The following GGT1 variants were observed in gnomAD, a reference collection of about 807,000 sequenced individuals.
GGT1 encodes the protein gamma-glutamyltransferase 1.
A neutral mutation model predicts 56.0 loss-of-function variants in GGT1; 21 were observed. The ratio of observed to expected loss-of-function variants is 0.38; its 90% CI spans 0.27 to 0.54. GGT1 has a LOEUF of 0.54. Among genes scored for constraint, GGT1 ranks in the 20% least tolerant of loss-of-function variants. The pLI, the probability that GGT1 is intolerant of heterozygous loss-of-function variation, is 0.82. For synonymous variants in GGT1, 238 were observed against 342.6 expected, an observed-to-expected ratio of 0.69 and a Z score of 3.37; for missense variants, 466 against 787.0, an observed-to-expected ratio of 0.59 and a Z score of 4.88.
At position 24,628,819 on chromosome 22, in the gene GGT1, G is replaced by A. The variant is rs1263721578; in HGVS notation, c.1690G>A (p.Gly564Arg). The A allele has an allele frequency of 3.7e-6, 6 of 1,604,818 alleles. No individual in the cohort carries two copies. Among genetic ancestry groups the A allele is most frequent in the South Asian group, 2.2e-5 (2 of 90,526 alleles). The change falls in exon 16 of 16, where the codon GGG (glycine) becomes AGG (arginine). Residue 564 changes from glycine (G) to arginine (R), a missense_variant. Transcript: ENST00000400382. This position sits in a 1 kb window ranked among gnomAD's most constrained non-coding sequence, Gnocchi z 5.7. ...WAAASDSRKG[G>R]EPAGY ...AGCTGCCTCGGACTCCAGGAAAGGCGGGGAGCCTGCCGGCTACTGAGTGCT... is the reference window on the plus strand; with the variant it reads ...AGCTGCCTCGGACTCCAGGAAAGGCAGGGAGCCTGCCGGCTACTGAGTGCT...
At chr22:24,616,758 G>A (rs917227706) in intron 7 of GGT1, among the ~76,000 whole-genome samples, 14 of 151,852 alleles carry the variant, frequency 9.2e-5, no homozygotes, top group African/African-American at 2.7e-4. Flanking sequence ...TGTTGCCCAG[G>A]CTGGTCTCGA....
chr22:24,621,821 C>A (rs370192967), intron 9 of GGT1, among the ~76,000 whole-genome samples: 3 of 151,372 alleles, frequency 2.0e-5, no homozygotes, highest in Non-Finnish European at 4.4e-5. Flanking sequence ...GAGGCCGAGG[C>A]GGGTGGATCA....
intron 2 of GGT1, chr22:24,609,323 G>A (rs1391205508): frequency 4.6e-5 from 7 of 152,428 alleles, no homozygotes; most frequent in African/African-American, 1.7e-4. Context: ...GGTGGTCACG[G>A]TGGGGATGAG....
rs766625820 is a variant in GGT1, at chr22:24,628,261, C to T, written c.1450-14C>T. On this transcript the variant is annotated splice_polypyrimidine_tract_variant and intron_variant, in intron 14 of 15. Coordinates refer to ENST00000400382, the MANE Select transcript of GGT1 (RefSeq NM_001288833.2). This position sits in a 1 kb window ranked among gnomAD's most constrained non-coding sequence, Gnocchi z 5.7. ...CAGCCCCCAAGCCATGCTGATCACA[C>T]TCCCATGCCCCAGGCCATCATCTAC... 1.2e-6 allele frequency: 2 copies of T among 1,612,030 alleles called. No individual in the cohort carries two copies. Among genetic ancestry groups the T allele is most frequent in the South Asian group, 2.2e-5 (2 of 90,986 alleles).
At chr22:24,588,298 A>T in the GGT1 span, 1 of 1,613,450 alleles carries the variant, frequency 6.2e-7, no homozygotes, top group East Asian at 2.2e-5. Context: ...CTGTCGGCAG[A>T]TCTTGTCCGA....
At chr22:24,616,376 T>TG (rs2047067283) in intron 7 of GGT1, among the ~76,000 whole-genome samples, 1 of 148,270 alleles carries the variant, frequency 6.7e-6, no homozygotes, top group African/African-American at 2.5e-5. Context: ...ATCATGCCAC[T>TG]GCACTCCAGT....
chr22:24,618,060 GAGA>G (rs941757701), intron 7 of GGT1, among the ~76,000 whole-genome samples: 9 of 152,240 alleles, frequency 5.9e-5, no homozygotes, highest in South Asian at 4.2e-4. Context: ...CTGAGGTCAG[GAGA>G]AGATTTTTTT....
Position 24,628,370 on chromosome 22 carries a change from G to A in GGT1, c.1545G>A (p.Val515=), listed in dbSNP as rs1337193848. 2 of 1,611,194 alleles carry A rather than the reference G, an allele frequency of 1.2e-6. No individual in the cohort carries two copies. Among genetic ancestry groups the A allele is most frequent in the African/African-American group, 2.7e-5 (2 of 74,214 alleles). Residue 515 remains valine (V), a synonymous_variant, in exon 15 of 16, where the codon GTG becomes GTA. Coordinates refer to ENST00000400382, the MANE Select transcript of GGT1 (RefSeq NM_001288833.2). The surrounding 1 kb of genome is among the most constrained non-coding windows in gnomAD (Gnocchi z 5.7). ...AGCTTCTGCCCAACGTCACGACAGTGGAGAGAAACATTGACCAGGTGGGCC... is the reference window on the plus strand; with the variant it reads ...AGCTTCTGCCCAACGTCACGACAGTAGAGAGAAACATTGACCAGGTGGGCC... ...HNQLLPNVTT[V]ERNIDQAVTA...
chr22:24,596,843 G>A lies in GGT1; in HGVS notation c.-324+1957G>A, dbSNP rs995908071. On this transcript the variant is annotated intron_variant, in intron 1 of 6. Coordinates refer to the GGT1 transcript ENST00000411974. ...CAGGGGAATCGCTTGAACCCGGGAC[G>A]CAGAAGTTGCAGTGAGCTGAGATTG... Among the ~76,000 whole-genome samples the A allele has an allele frequency of 3.9e-4, 55 of 142,708 alleles. 1 individual carries two copies. Among genetic ancestry groups the A allele is most frequent in the Middle Eastern group, 3.5e-3 (1 of 286 alleles). 93.6% of individuals were successfully genotyped at this position (142,708 alleles called of 152,430 possible). A position where few individuals can be genotyped will look rare whatever the true frequency, so the allele number is the denominator to read the frequency against.
chr22:24,589,054 G>A, the GGT1 span: 5 of 1,025,586 alleles, frequency 4.9e-6, no homozygotes, highest in African/African-American at 3.5e-5. Flanking sequence ...TGTGATGGCC[G>A]TGGGCTAGGC....
At chr22:24,605,981 ATATTATATTTATATAATT>A (rs1569049920) in intron 1 of GGT1, among the ~76,000 whole-genome samples, 2 of 64,944 alleles carry the variant, frequency 3.1e-5, no homozygotes, top group African/African-American at 1.3e-4. Flanking sequence ...AATATATCAT[ATATTATATTTATATAATT>A]TATATAATAT....
In GGT1 at chr22:24,610,989, C is replaced by T. The variant is rs529734788; in HGVS notation, c.-7-86C>T. 10 of 1,242,100 alleles carry T rather than the reference C, an allele frequency of 8.1e-6. No homozygotes were observed. In the East Asian group the frequency reaches 2.5e-4, roughly 32 times the overall value. 76.9% of individuals were successfully genotyped at this position (1,242,100 alleles called of 1,614,324 possible). On this transcript the variant is annotated intron_variant, in intron 4 of 15. Transcript: ENST00000400382. ...AGACACAGGCCTTGTGTTTCTGAGG[C>T]CCGACTTTAGACTGTGCCCTGTTGG...
In GGT1 at chr22:24,620,760, G is replaced by T. The variant is rs1463731028; in HGVS notation, c.576-153G>T. 1 of 1,459,244 alleles carries T rather than the reference G, an allele frequency of 6.9e-7. No homozygotes were observed. Among genetic ancestry groups the T allele is most frequent in the Admixed American group, 2.6e-5 (1 of 38,268 alleles). The allele number at this position is 1,459,244 out of a possible 1,614,324, so 90.4% of individuals were successfully genotyped here. A position where few individuals can be genotyped will look rare whatever the true frequency, so the allele number is the denominator to read the frequency against. ...GGGACACTAGGAAGCTCCCGGAAGG[G>T]ACACTAGGAAGACGAGCGCTGAGTG... On this transcript the variant is annotated intron_variant, in intron 8 of 15. Coordinates refer to ENST00000400382, the MANE Select transcript of GGT1 (RefSeq NM_001288833.2). The surrounding 1 kb of genome is among the most constrained non-coding windows in gnomAD (Gnocchi z 5.6).
chr22:24,597,261 G>A (rs1025155216), intron 1 of GGT1, among the ~76,000 whole-genome samples: 4 of 152,142 alleles, frequency 2.6e-5, no homozygotes, highest in East Asian at 1.9e-4. Context: ...GATTACAGGC[G>A]TGAGCCACTG....
chr22:24,614,959 G>T, intron 6 of GGT1, 53 bp downstream of exon 6: 1 of 1,590,460 alleles, frequency 6.3e-7, no homozygotes, highest in Non-Finnish European at 8.6e-7. Context: ...GGGTTGGGCC[G>T]AGGCACAGCT....
Position 24,623,819 on chromosome 22 carries a change from A to G in GGT1, c.923A>G (p.Gln308Arg), listed in dbSNP as rs766913592. The G allele has an allele frequency of 9.3e-6, 15 of 1,611,776 alleles. No homozygotes were observed. The East Asian group carries it at 2.9e-4, about 31-fold the overall frequency. Residue 308 changes from glutamine to arginine, a missense_variant, in exon 11 of 16, where the codon CAG becomes CGG. Gln to Arg is a conservative substitution (Grantham distance 43, BLOSUM62 1). Transcript: ENST00000400382. ...FSRESVESPE[Q>R]KGLTYHRIVE... ...CGGGAGAGCGTGGAGAGCCCCGAGC[A>G]GAAGGGCCTGACGTACCACCGCATC...
chr22:24,614,713 G>A (rs946731161), intron 5 of GGT1, 63 bp from the exon 6 acceptor site: 49 of 1,490,146 alleles, frequency 3.3e-5, no homozygotes, highest in Non-Finnish European at 4.2e-5. Context: ...GGGCAGCAGG[G>A]TGTGTATGCG....
chr22:24,599,060 C>T (rs969121336), upstream of GGT1: 5 of 152,366 alleles, frequency 3.3e-5, no homozygotes, highest in African/African-American at 1.2e-4. Context: ...GAGATGCCAG[C>T]TGTCAGGTGG....
rs1569049409 is a variant in GGT1, at chr22:24,605,822, TTATATGATGTGTATTATATATTATATAA to T, written c.-428-2072_-428-2045del. Among the ~76,000 whole-genome samples, 529 of 66,714 alleles carry T rather than the reference TTATATGATGTGTATTATATATTATATAA, an allele frequency of 7.9e-3. 60 individuals are homozygous for T. The highest frequency in any genetic ancestry group is 0.029 in the Middle Eastern group (2 of 68). 43.8% of individuals were successfully genotyped at this position (66,714 alleles called of 152,430 possible). A position where few individuals can be genotyped will look rare whatever the true frequency, so the allele number is the denominator to read the frequency against. Reference sequence around the variant, plus strand: ...TATGATGTGTATTATATATTATATATTATATGATGTGTATTATATATTATATAATATATGATGTGTATTATATATTATA... The same window carrying T: ...TATGATGTGTATTATATATTATATATTATATGATGTGTATTATATATTATA... On this transcript the variant is annotated intron_variant, in intron 1 of 15. Transcript: ENST00000400382.
Sources: gnomAD v4.1 joint callset for allele counts (sites outside exome capture counted in the v4.1 genomes callset) on GRCh38, gnomAD v4.1.1 for gene constraint, Gnocchi (gnomAD v3.1) non-coding constraint, MANE v1.5 for transcripts, NCBI Gene and HGNC (gene_info 2026-07-23, HGNC 2026-07-21) for gene names.